The following MMD2 variants were observed in gnomAD, a reference collection of about 807,000 sequenced individuals.
MMD2 encodes the protein monocyte to macrophage differentiation associated 2, also known as monocyte to macrophage differentiation factor 2.
Under a neutral mutation model 33.5 loss-of-function variants are expected in MMD2, and 30 were observed. That is an observed-to-expected ratio of 0.90 (90% CI 0.67 to 1.22). The LOEUF is 1.22. Ranked by LOEUF, MMD2 falls within the 50% of genes most tolerant of loss-of-function variation. MMD2 has a pLI of 0.00. For synonymous variants in MMD2, 129 were observed against 123.0 expected, an observed-to-expected ratio of 1.05 and a Z score of -0.32; for missense variants, 364 against 325.4, an observed-to-expected ratio of 1.12 and a Z score of -0.91.
chr7:4,929,497 G>A (rs1042353279), intron 1 of MMD2, among the ~76,000 whole-genome samples: 26 of 151,590 alleles, frequency 1.7e-4, no homozygotes, highest in Non-Finnish European at 3.8e-4. Context: ...ACTGGCTTAT[G>A]TTTGTTTGTT....
At chr7:4,903,781 G>A (rs1476123457), downstream of MMD2, among the ~76,000 whole-genome samples, 4 of 152,208 alleles carry the variant, frequency 2.6e-5, no homozygotes, top group East Asian at 3.9e-4. Context: ...AGAGGCCAAC[G>A]AGTCCAGAAC....
In MMD2 at chr7:4,940,933, C is replaced by A. The variant is rs564262445; in HGVS notation, c.48-15401G>T. 6.6e-6 allele frequency among the ~76,000 whole-genome samples: 1 copy of A among 152,218 alleles called. No homozygotes were observed. The highest frequency in any genetic ancestry group is 2.1e-4 in the South Asian group (1 of 4,822). On this transcript the variant is annotated intron_variant, in intron 1 of 6. Coordinates refer to ENST00000401401, the MANE Select transcript of MMD2 (RefSeq NM_198403.4). This position sits in a 1 kb window ranked among gnomAD's most constrained non-coding sequence, Gnocchi z 5.0. ...CCTTGGCGCCCACCCTGTGGCTCCCCGGGAAATCTCTTCCCCTATGGGATG... is the reference window on the plus strand; with the variant it reads ...CCTTGGCGCCCACCCTGTGGCTCCCAGGGAAATCTCTTCCCCTATGGGATG...
At chr7:4,911,539 G>A (rs889748726) in intron 4 of MMD2, among the ~76,000 whole-genome samples, 1 of 152,152 alleles carries the variant, frequency 6.6e-6, no homozygotes, top group Admixed American at 6.6e-5. Flanking sequence ...CCTGTTTGGG[G>A]GCGATTGTGC....
the MMD2 span, among the ~76,000 whole-genome samples, chr7:4,896,580 C>G: frequency 1.3e-5 from 2 of 152,204 alleles, no homozygotes; most frequent in Admixed American, 6.5e-5. Flanking sequence ...CATGAACATG[C>G]TTTCAACTGA....
intron 1 of MMD2, among the ~76,000 whole-genome samples, chr7:4,928,565 T>C (rs1785492669): frequency 6.6e-6 from 1 of 152,032 alleles, no homozygotes; most frequent in Non-Finnish European, 1.5e-5. Flanking sequence ...AGGCAGGTTC[T>C]GTGTGCTGAC....
the MMD2 span, among the ~76,000 whole-genome samples, chr7:4,897,504 C>T: frequency 6.6e-6 from 1 of 152,148 alleles, no homozygotes; most frequent in Non-Finnish European, 1.5e-5. Flanking sequence ...ATATGAAAGA[C>T]AATCATACAG....
intron 4 of MMD2, among the ~76,000 whole-genome samples, chr7:4,912,051 ATGATCCCACCAC>A (rs1242726443): frequency 6.6e-6 from 1 of 152,082 alleles, no homozygotes; most frequent in Non-Finnish European, 1.5e-5. Context: ...GCAGTGAGCC[ATGATCCCACCAC>A]TGCACTCCAG....
At chr7:4,901,789 C>A (rs58015583), downstream of MMD2, among the ~76,000 whole-genome samples, 12 of 152,314 alleles carry the variant, frequency 7.9e-5, no homozygotes, top group African/African-American at 2.9e-4. Context: ...GTGGCGGAGC[C>A]GGGGGAGCCT....
chr7:4,923,171 T>G (rs970166588), intron 2 of MMD2, among the ~76,000 whole-genome samples: 4 of 151,546 alleles, frequency 2.6e-5, no homozygotes, highest in African/African-American at 9.7e-5. Context: ...TGGCACAATC[T>G]TGGCTCACTG....
intron 2 of MMD2, 21 bp downstream of exon 2, chr7:4,925,430 G>GC (rs1253985222): frequency 1.3e-6 from 2 of 1,506,260 alleles, no homozygotes; most frequent in African/African-American, 1.4e-5. Flanking sequence ...TCAGCCCTGA[G>GC]CCCCCCAAAA....
chr7:4,910,710 C>A (rs1376021817), intron 5 of MMD2, among the ~76,000 whole-genome samples: 1 of 152,102 alleles, frequency 6.6e-6, no homozygotes, highest in African/African-American at 2.4e-5. Flanking sequence ...CTTGCTGCAA[C>A]CTCCACCACC....
At chr7:4,935,718 G>C in intron 1 of MMD2, among the ~76,000 whole-genome samples, 1 of 149,660 alleles carries the variant, frequency 6.7e-6, no homozygotes, top group Admixed American at 6.7e-5. Flanking sequence ...TGTATACGTT[G>C]ATGGTGCTAG....
In MMD2 at chr7:4,944,763, T is replaced by A. The variant is rs201028195; in HGVS notation, c.47+14208A>T. Among the ~76,000 whole-genome samples, 443 of 91,630 alleles carry A rather than the reference T, an allele frequency of 4.8e-3. 3 individuals are homozygous for A. The highest frequency in any genetic ancestry group is 0.025 in the African/African-American group (427 of 16,804). 60.1% of individuals were successfully genotyped at this position (91,630 alleles called of 152,430 possible). On this transcript the variant is annotated intron_variant, in intron 1 of 6. Coordinates refer to ENST00000401401, the MANE Select transcript of MMD2 (RefSeq NM_198403.4). ...TCTCTTTCTTCTTCTTCTTCTTCTT[T>A]TTTTTTTTTTTTTTTTTTTTTTGAG...
At chr7:4,907,710 G>T in intron 6 of MMD2, 111 bp from the exon 7 acceptor site, 2 of 965,752 alleles carry the variant, frequency 2.1e-6, no homozygotes, top group Non-Finnish European at 3.2e-6. Flanking sequence ...TGGCAAACCA[G>T]CCCAGACTCC....
At chr7:4,927,517 G>A (rs551660168) in intron 1 of MMD2, among the ~76,000 whole-genome samples, 2 of 152,020 alleles carry the variant, frequency 1.3e-5, no homozygotes, top group Admixed American at 6.6e-5. Flanking sequence ...CTCCAACCTG[G>A]GCGACAGAGT....
At chr7:4,910,184 T>C (rs1784971222) in intron 5 of MMD2, among the ~76,000 whole-genome samples, 1 of 152,118 alleles carries the variant, frequency 6.6e-6, no homozygotes, top group Non-Finnish European at 1.5e-5. Context: ...TCCACACCTG[T>C]AAAATGCATG....
chr7:4,943,008 T>C (rs796636315), intron 1 of MMD2, among the ~76,000 whole-genome samples: 19 of 135,926 alleles, frequency 1.4e-4, no homozygotes, highest in African/African-American at 5.0e-4. Flanking sequence ...CCTTTTCTTT[T>C]TTTTTTTTTT....
At chr7:4,948,781 C>T (rs551793004) in intron 1 of MMD2, among the ~76,000 whole-genome samples, 1 of 152,260 alleles carries the variant, frequency 6.6e-6, no homozygotes, top group South Asian at 2.1e-4. Flanking sequence ...GTAGGAAATA[C>T]ATTTTTGTGT....
At position 4,945,362 on chromosome 7, in the gene MMD2, G is replaced by A. The variant is rs552464383; in HGVS notation, c.47+13609C>T. Among the ~76,000 whole-genome samples the A allele has an allele frequency of 5.9e-4, 89 of 149,598 alleles. 1 individual carries two copies. Among genetic ancestry groups the A allele is most frequent in the African/African-American group, 2.1e-3 (85 of 40,708 alleles). On this transcript the variant is annotated intron_variant, in intron 1 of 6. Coordinates refer to ENST00000401401, the MANE Select transcript of MMD2 (RefSeq NM_198403.4). ...CGGCTCACTGCAACCTCTGCCTCCC[G>A]GGTTCAAGCAATTCTCCTGCCTCAG... is the stretch of plus-strand genomic sequence containing the variant.
Sources: allele counts gnomAD v4.1 joint callset (sites outside exome capture counted in the v4.1 genomes callset), GRCh38; gene constraint gnomAD v4.1.1; non-coding constraint Gnocchi (gnomAD v3.1); transcripts MANE v1.5; gene names NCBI Gene and HGNC (gene_info 2026-07-23, HGNC 2026-07-21).